HMGN3: variants seen among roughly 807,000 people sequenced by gnomAD.
HMGN3 encodes the protein high mobility group nucleosome-binding domain-containing protein 3.
A neutral mutation model predicts 18.8 loss-of-function variants in HMGN3; 6 were observed. That is an observed-to-expected ratio of 0.32 (90% CI 0.18 to 0.63). HMGN3 has a LOEUF of 0.63. Among genes scored for constraint, HMGN3 ranks in the 30% least tolerant of loss-of-function variants. The pLI is 0.79. For synonymous variants in HMGN3, 40 were observed against 36.5 expected (o/e 1.10, Z -0.35); for missense variants, 107 against 114.2 (o/e 0.94, Z 0.29).
rs758598065 is a variant in HMGN3, at chr6:79,234,567, T to C, written c.-7A>G. ...TTACCTTTCTCTTCGGCATAATGAC[T>C]ATGTCGGTGAAGCAAAAAGTAAAGC... On this transcript the variant is annotated 5_prime_UTR_variant, in exon 1 of 6. The change creates a new upstream start codon in the 5' untranslated region. Coordinates refer to ENST00000344726, the Ensembl canonical transcript of HMGN3. 3 of 1,612,032 alleles carry C rather than the reference T, an allele frequency of 1.9e-6. No homozygotes were observed. Among genetic ancestry groups the C allele is most frequent in the Non-Finnish European group, 1.7e-6 (2 of 1,178,444 alleles).
intron 2 of HMGN3, among the ~76,000 whole-genome samples, chr6:79,212,837 AAATC>A (rs1204811548): frequency 1.3e-5 from 2 of 152,162 alleles, no homozygotes; most frequent in South Asian, 2.1e-4. Context: ...GAAAGAAAAA[AAATC>A]AATCAATCAA....
chr6:79,213,564 T>C (rs1424862681), intron 2 of HMGN3, among the ~76,000 whole-genome samples: 4 of 152,244 alleles, frequency 2.6e-5, no homozygotes, highest in African/African-American at 7.2e-5. Context: ...AATTCAAGCA[T>C]TTATCATTTT....
In HMGN3 at chr6:79,203,291, C is replaced by T. The variant is rs912951790; in HGVS notation, c.147+289G>A. Among the ~76,000 whole-genome samples, 8 of 152,206 alleles carry T rather than the reference C, an allele frequency of 5.3e-5. No homozygotes were observed. The South Asian group carries it at 8.3e-4, about 16-fold the overall frequency. On this transcript the variant is annotated intron_variant, in intron 4 of 5. Coordinates refer to ENST00000344726, the Ensembl canonical transcript of HMGN3. ...TGCTGCCAGGGCCCAAACTCATCCC[C>T]GCTGTGTGCCGCATGAACCGCATGT...
chr6:79,234,459 G>A, intron 1 of HMGN3, 87 bp downstream of exon 1: 2 of 1,312,578 alleles, frequency 1.5e-6, no homozygotes, highest in African/African-American at 1.5e-5. Context: ...TTACTACCGC[G>A]CGCGTTCTGC....
At chr6:79,229,596 G>A (rs1027009856) in intron 1 of HMGN3, among the ~76,000 whole-genome samples, 7 of 152,224 alleles carry the variant, frequency 4.6e-5, no homozygotes, top group African/African-American at 1.4e-4. Context: ...AAACATAGAC[G>A]GCCGGGCGCC....
chr6:79,203,630 T>C, exon 4 of HMGN3: 1 of 1,609,510 alleles, frequency 6.2e-7, no homozygotes, highest in South Asian at 1.1e-5. Context: ...GGAGCAGGTT[T>C]CTGCAAAGAT....
At chr6:79,222,115 T>G (rs1040293018) in intron 1 of HMGN3, among the ~76,000 whole-genome samples, 1 of 152,166 alleles carries the variant, frequency 6.6e-6, no homozygotes, top group Non-Finnish European at 1.5e-5. Context: ...TCTCAACTCC[T>G]AGGTTATCCA....
intron 1 of HMGN3, among the ~76,000 whole-genome samples, chr6:79,218,566 C>T (rs1054433777): frequency 1.3e-5 from 2 of 151,794 alleles, no homozygotes; most frequent in Non-Finnish European, 2.9e-5. Context: ...AGTCATGGCA[C>T]GATTTTAAAT....
intron 1 of HMGN3, among the ~76,000 whole-genome samples, chr6:79,223,616 G>C (rs1337533701): frequency 6.6e-6 from 1 of 152,136 alleles, no homozygotes; most frequent in Non-Finnish European, 1.5e-5. Context: ...TGAAGTGTGG[G>C]AATCGCTTGA....
chr6:79,204,789 G>A (rs1012656570), intron 3 of HMGN3, among the ~76,000 whole-genome samples: 1 of 152,034 alleles, frequency 6.6e-6, no homozygotes, highest in Non-Finnish European at 1.5e-5. Flanking sequence ...AAAGAAAATC[G>A]AGCTTGAAAA....
At chr6:79,221,918 G>T (rs890023661) in intron 1 of HMGN3, among the ~76,000 whole-genome samples, 10 of 98,010 alleles carry the variant, frequency 1.0e-4, no homozygotes, top group Admixed American at 9.7e-4. Flanking sequence ...TACATGTATT[G>T]GTACATGTAT....
At chr6:79,207,485 A>G (rs1183494976) in intron 3 of HMGN3, among the ~76,000 whole-genome samples, 1 of 152,196 alleles carries the variant, frequency 6.6e-6, no homozygotes, top group Non-Finnish European at 1.5e-5. Context: ...CTCGTCTTCC[A>G]CCATGATTGT....
intron 1 of HMGN3, among the ~76,000 whole-genome samples, chr6:79,227,706 C>A (rs548427898): frequency 7.9e-5 from 12 of 152,260 alleles, no homozygotes; most frequent in Non-Finnish European, 1.2e-4. Context: ...AAGGAAGCTA[C>A]CTTAGATCAT....
At position 79,214,939 on chromosome 6, in the gene HMGN3, T is replaced by C. The variant is rs762767686; in HGVS notation, c.66+33A>G. ...ACAATATTAAACATTTCAATGTAAA[T>C]AATTAAATATAGGATGTCAAAGATA... On this transcript the variant is annotated intron_variant, in intron 2 of 5. Coordinates refer to ENST00000344726, the Ensembl canonical transcript of HMGN3. 4 of 1,147,136 alleles carry C rather than the reference T, an allele frequency of 3.5e-6. No homozygotes were observed. In the East Asian group the frequency reaches 9.5e-5, roughly 27 times the overall value. The allele number at this position is 1,147,136 out of a possible 1,614,324, so 71.1% of individuals were successfully genotyped here.
At chr6:79,211,859 A>G (rs1409858080) in intron 2 of HMGN3, among the ~76,000 whole-genome samples, 4 of 152,260 alleles carry the variant, frequency 2.6e-5, no homozygotes, top group East Asian at 1.9e-4. Flanking sequence ...CTAATCTCCC[A>G]ATGACAAAGT....
At chr6:79,234,413 A>T in intron 1 of HMGN3, 133 bp downstream of exon 1, 1 of 802,886 alleles carries the variant, frequency 1.2e-6, no homozygotes, top group Non-Finnish European at 2.1e-6. Context: ...GCATCTAAAA[A>T]CAAGCGTGGA....
chr6:79,223,277 C>T (rs759467850), intron 1 of HMGN3, among the ~76,000 whole-genome samples: 15 of 151,988 alleles, frequency 9.9e-5, no homozygotes, highest in Admixed American at 3.3e-4. Context: ...TTTGGGAGGT[C>T]GAGGCAGGCG....
At chr6:79,233,194 T>C (rs2127845412) in intron 1 of HMGN3, among the ~76,000 whole-genome samples, 1 of 152,306 alleles carries the variant, frequency 6.6e-6, no homozygotes, top group South Asian at 2.1e-4. Context: ...TGAATGGGGG[T>C]AACACCGCTC....
At chr6:79,217,851 G>T (rs1024847608) in intron 1 of HMGN3, among the ~76,000 whole-genome samples, 3 of 152,216 alleles carry the variant, frequency 2.0e-5, no homozygotes, top group South Asian at 4.1e-4. Flanking sequence ...AAAAGGCTGG[G>T]GGTGGATATA....
Sources: allele counts gnomAD v4.1 joint callset (sites outside exome capture counted in the v4.1 genomes callset), GRCh38; gene constraint gnomAD v4.1.1; transcripts MANE v1.5; gene names NCBI Gene and HGNC (gene_info 2026-07-23, HGNC 2026-07-21).